Variants in TTC34 observed in about 807,000 individuals in gnomAD.
TTC34 encodes tetratricopeptide repeat protein 34.
A neutral mutation model predicts 40.7 loss-of-function variants in TTC34; 44 were observed. That is an observed-to-expected ratio of 1.08 (90% CI 0.85 to 1.39). The LOEUF is 1.39. Ranked by LOEUF, TTC34 falls within the 40% of genes most tolerant of loss-of-function variation. TTC34 has a pLI of 0.00. For missense variants in TTC34, 884 were observed against 838.0 expected (o/e 1.05, Z -0.68); for synonymous variants, 422 against 398.6 (o/e 1.06, Z -0.70).
chr1:2,749,644 C>G (rs1330808843), intron 6 of TTC34, among the ~76,000 whole-genome samples: 1 of 105,262 alleles, frequency 9.5e-6, no homozygotes, highest in Admixed American at 9.6e-5. Flanking sequence ...GCCCCCACAC[C>G]CAGAGGTGAG....
chr1:2,780,647 T>G (rs1350849126), intron 6 of TTC34, among the ~76,000 whole-genome samples: 1 of 152,238 alleles, frequency 6.6e-6, no homozygotes, highest in Non-Finnish European at 1.5e-5. Flanking sequence ...CACACTATTT[T>G]GATCACTGTA....
At chr1:2,756,119 T>G (rs1641496657) in intron 6 of TTC34, among the ~76,000 whole-genome samples, 1 of 61,650 alleles carries the variant, frequency 1.6e-5, no homozygotes, top group East Asian at 6.0e-4. Flanking sequence ...CAGGAGAGCA[T>G]CTGACAGCAT....
intron 6 of TTC34, among the ~76,000 whole-genome samples, chr1:2,675,554 C>A (rs1342544820): frequency 6.7e-5 from 9 of 135,054 alleles, no homozygotes; most frequent in African/African-American, 2.5e-4. Context: ...CCTGGAAGAG[C>A]ACCCACACCC....
At chr1:2,650,345 G>T (rs1427680046) in intron 6 of TTC34, among the ~76,000 whole-genome samples, 1 of 150,668 alleles carries the variant, frequency 6.6e-6, no homozygotes, top group African/African-American at 2.4e-5. Context: ...ACACCCTCAG[G>T]TGAGCATCTG....
chr1:2,788,109 C>T (rs1643615402), intron 3 of TTC34, among the ~76,000 whole-genome samples: 1 of 152,246 alleles, frequency 6.6e-6, no homozygotes, highest in Non-Finnish European at 1.5e-5. Context: ...GGGAATGTTA[C>T]TGAGTGCTCA....
intron 6 of TTC34, among the ~76,000 whole-genome samples, chr1:2,764,310 G>A (rs1351302922): frequency 5.5e-5 from 8 of 145,274 alleles, no homozygotes; most frequent in African/African-American, 7.7e-5. Context: ...AACCCCAGGC[G>A]AGCATCTGAC....
chr1:2,800,949 C>T, intron 1 of TTC34, 81 bp from the exon 2 acceptor site: 1 of 397,902 alleles, frequency 2.5e-6, no homozygotes, highest in Non-Finnish European at 4.4e-6. Flanking sequence ...AGCCTCAAGC[C>T]ACCTCCACCC....
chr1:2,662,420 T>C (rs1426849354), intron 6 of TTC34, among the ~76,000 whole-genome samples: 17 of 90,958 alleles, frequency 1.9e-4, no homozygotes, highest in Non-Finnish European at 2.9e-4. Flanking sequence ...CATCAGAGAG[T>C]CTGGAGCAGC....
At position 2,692,295 on chromosome 1, in the gene TTC34, G is replaced by A. The variant is rs1451596152; in HGVS notation, c.2227-46732C>T. 7.1e-5 allele frequency among the ~76,000 whole-genome samples: 5 copies of A among 70,622 alleles called. 2 individuals are homozygous for A. The highest frequency in any genetic ancestry group is 4.5e-4 in the South Asian group (1 of 2,242). 46.3% of individuals were successfully genotyped at this position (70,622 alleles called of 152,430 possible). ...GGTGAGCATCTGACAGCCTGGAGCA[G>A]CAGGCACACCCCCAGTGAGCATCTG... On this transcript the variant is annotated intron_variant, in intron 6 of 8. Transcript: ENST00000401095.
At chr1:2,795,865 A>C (rs937187828) in intron 2 of TTC34, among the ~76,000 whole-genome samples, 1 of 152,182 alleles carries the variant, frequency 6.6e-6, no homozygotes, top group Non-Finnish European at 1.5e-5. Flanking sequence ...CTGCATGTCT[A>C]CTTACTAAAG....
chr1:2,671,834 C>A (rs1483951509), intron 6 of TTC34, among the ~76,000 whole-genome samples: 1 of 152,266 alleles, frequency 6.6e-6, no homozygotes, highest in Non-Finnish European at 1.5e-5. Flanking sequence ...CCAGTACCCC[C>A]AGGCGAGCAT....
At chr1:2,768,418 C>T (rs2100480172) in intron 6 of TTC34, among the ~76,000 whole-genome samples, 1 of 151,972 alleles carries the variant, frequency 6.6e-6, no homozygotes, top group East Asian at 2.0e-4. Context: ...CACCCTCCAC[C>T]CCCAGGTGAG....
chr1:2,759,695 G>T (rs1322540261), intron 6 of TTC34, among the ~76,000 whole-genome samples: 44 of 92,814 alleles, frequency 4.7e-4, no homozygotes, highest in Non-Finnish European at 8.4e-4. Flanking sequence ...GCTTGCATCC[G>T]ACAGCCTGGA....
intron 6 of TTC34, among the ~76,000 whole-genome samples, chr1:2,702,386 T>C (rs1404780333): frequency 0.034 from 11 of 326 alleles, no homozygotes; most frequent in Admixed American, 0.056. Context: ...GCACCCACAC[T>C]CCCAGGTGAG....
exon 5 of TTC34, chr1:2,785,855 C>A (rs1442266372): frequency 6.5e-7 from 1 of 1,545,240 alleles, no homozygotes; most frequent in Non-Finnish European, 8.7e-7. Flanking sequence ...TAGGCGATGG[C>A]CTCCTTGGTG....
chr1:2,750,719 A>AC (rs1641291294), intron 6 of TTC34, among the ~76,000 whole-genome samples: 2 of 142,054 alleles, frequency 1.4e-5, no homozygotes, highest in African/African-American at 5.5e-5. Flanking sequence ...CTGGAGCAGC[A>AC]CCCACACCCC....
Position 2,789,636 on chromosome 1 carries a change from G to A in TTC34, c.1495C>T (p.Gln499Ter). 1 of 1,367,650 alleles carries A rather than the reference G, an allele frequency of 7.3e-7. No individual in the cohort carries two copies. Among genetic ancestry groups the A allele is most frequent in the Non-Finnish European group, 9.4e-7 (1 of 1,064,786 alleles). The allele number at this position is 1,367,650 out of a possible 1,614,324, so 84.7% of individuals were successfully genotyped here. The change falls in exon 3 of 9, where the codon CAG becomes TAG. Residue 499 changes from glutamine to a stop codon, truncating the protein, a stop_gained. Transcript: ENST00000401095. LOFTEE classifies it high-confidence loss of function. ...AGCACCACCAGCAGCAGCCCCCGCT[G>A]GTTCCAGGGCACGTAGGCCTTGGCG...
chr1:2,781,744 G>A (rs1170263602), intron 6 of TTC34, among the ~76,000 whole-genome samples: 1 of 152,102 alleles, frequency 6.6e-6, no homozygotes, highest in African/African-American at 2.4e-5. Flanking sequence ...GCTGAATTTT[G>A]TCAAATGCTT....
At chr1:2,686,318 C>A (rs1448334296) in intron 6 of TTC34, among the ~76,000 whole-genome samples, 4 of 151,436 alleles carry the variant, frequency 2.6e-5, no homozygotes, top group African/African-American at 9.8e-5. Context: ...GCAGCACCCA[C>A]ACCTCCAGGC....
Sources: allele counts gnomAD v4.1 joint callset (sites outside exome capture counted in the v4.1 genomes callset), GRCh38; gene constraint gnomAD v4.1.1; transcripts MANE v1.5; gene names NCBI Gene and HGNC (gene_info 2026-07-23, HGNC 2026-07-21).